The following EHD2 variants were observed in gnomAD, a reference collection of about 807,000 sequenced individuals.
EHD2 encodes EH domain-containing protein 2.
In EHD2, 27 loss-of-function variants were observed where a neutral mutation model predicts 41.0. The observed-to-expected ratio is 0.66, with a 90% CI of 0.49 to 0.91. EHD2 has a LOEUF of 0.91. Among genes scored for constraint, EHD2 ranks in the 40% least tolerant of loss-of-function variants. EHD2 has a pLI of 0.00. For synonymous variants in EHD2, 342 were observed against 341.0 expected, an observed-to-expected ratio of 1.00 and a Z score of -0.03; for missense variants, 673 against 773.9, an observed-to-expected ratio of 0.87 and a Z score of 1.55.
At chr19:47,738,126 C>T (rs941787410) in intron 5 of EHD2, among the ~76,000 whole-genome samples, 18 of 151,522 alleles carry the variant, frequency 1.2e-4, no homozygotes, top group African/African-American at 4.1e-4. Flanking sequence ...AAGTGATCCT[C>T]CTGCCTTGGC....
rs572361868 is a variant in EHD2, at chr19:47,728,101, A to T, written c.915+1877A>T. ...ACAGAACGAGACTCTGTCTCAAAAT[A>T]AAAAAAAAAAAAAAGATGAATTTAT... On this transcript the variant is annotated intron_variant, in intron 4 of 5. Coordinates refer to ENST00000263277, the MANE Select transcript of EHD2 (RefSeq NM_014601.4). Among the ~76,000 whole-genome samples the T allele has an allele frequency of 5.4e-5, 6 of 110,636 alleles. No homozygotes were observed. The South Asian group carries it at 7.7e-4, about 14-fold the overall frequency. 72.6% of individuals were successfully genotyped at this position (110,636 alleles called of 152,430 possible).
rs1366821314 is a variant in EHD2, at chr19:47,737,309, TTTTCA to T, written c.1080+780_1080+784del. 5.3e-5 allele frequency among the ~76,000 whole-genome samples: 8 copies of T among 152,028 alleles called. No homozygotes were observed. The East Asian group carries it at 1.4e-3, about 26-fold the overall frequency. ...CTCTTTAAGAACACTGTTTATTTTA[TTTTCA>T]TTTATTTATTTGAGACTTAAATATT... On this transcript the variant is annotated intron_variant, in intron 5 of 5. Transcript: ENST00000263277.
At chr19:47,733,871 C>A (rs1599900078) in intron 4 of EHD2, among the ~76,000 whole-genome samples, 1 of 152,012 alleles carries the variant, frequency 6.6e-6, no homozygotes, top group East Asian at 1.9e-4. Context: ...ACAGGAACCC[C>A]CGAAAGGATC....
At chr19:47,723,043 C>T (rs956284043) in intron 3 of EHD2, among the ~76,000 whole-genome samples, 1 of 152,218 alleles carries the variant, frequency 6.6e-6, no homozygotes, top group African/African-American at 2.4e-5. Context: ...CCTCCGGGTT[C>T]CCACTCTGCC....
At chr19:47,721,575 A>G (rs952439020) in intron 3 of EHD2, among the ~76,000 whole-genome samples, 3 of 151,648 alleles carry the variant, frequency 2.0e-5, no homozygotes, top group African/African-American at 7.3e-5. Context: ...CGGCCTCCCA[A>G]AGTGTTGGGA....
rs1599906282 is a variant in EHD2, at chr19:47,741,020, T to C, written c.1220T>C (p.Val407Ala). The C allele has an allele frequency of 3.1e-6, 5 of 1,610,140 alleles. No individual in the cohort carries two copies. In the East Asian group the frequency reaches 1.1e-4, roughly 36 times the overall value. The change falls in exon 6 of 6, where the codon GTG becomes GCG. Residue 407 changes from valine (V) to alanine (A), a missense_variant. Transcript: ENST00000263277. This position sits in a 1 kb window ranked among gnomAD's most constrained non-coding sequence, Gnocchi z 4.5. ...CAGGAGGAGCTGGAGAGCACCGAGGTGGGCGTGCAGGGGGGCGCTTTTGAG... is the reference window on the plus strand; with the variant it reads ...CAGGAGGAGCTGGAGAGCACCGAGGCGGGCGTGCAGGGGGGCGCTTTTGAG... Reference protein sequence around the residue: ...LRQEELESTEVGVQGGAFEGT... With the variant: ...LRQEELESTEAGVQGGAFEGT...
intron 4 of EHD2, chr19:47,731,279 A>AAAAAAAAAAATATAT: frequency 2.5e-4 from 15 of 60,918 alleles, no homozygotes; most frequent in African/African-American, 5.9e-4. Context: ...AAAAAAAAAA[A>AAAAAAAAAAATATAT]ATATATATAT....
chr19:47,728,728 C>G (rs955137940), intron 4 of EHD2, among the ~76,000 whole-genome samples: 1 of 151,450 alleles, frequency 6.6e-6, no homozygotes. Flanking sequence ...GCCACCACAC[C>G]CAGCTAATTT....
chr19:47,715,361 G>A (rs1421049986), intron 1 of EHD2, among the ~76,000 whole-genome samples: 1 of 151,944 alleles, frequency 6.6e-6, no homozygotes, highest in Non-Finnish European at 1.5e-5. Flanking sequence ...ACCTTTGCAC[G>A]CACCGTCCTC....
Position 47,717,042 on chromosome 19 carries a change from C to T in EHD2, c.404+26C>T, listed in dbSNP as rs201286547. 5 of 1,598,270 alleles carry T rather than the reference C, an allele frequency of 3.1e-6. No individual in the cohort carries two copies. The East Asian group carries it at 1.1e-4, about 36-fold the overall frequency. On this transcript the variant is annotated intron_variant, in intron 2 of 5. Transcript: ENST00000263277. ...GTGTGCCAGCCGCGAGCCCAGGGCG[C>T]ATCTTTCTTTTTCTTTTTGTTAAGA...
Position 47,718,568 on chromosome 19 carries a change from C to A in EHD2, c.464C>A (p.Pro155Gln), listed in dbSNP as rs374864163. ...VLESISIIDT[P>Q]GILSGAKQRV... ...GAGAGCATCAGCATCATCGACACCC[C>A]GGGTATCCTGTCGGGTGCCAAGCAG... is the stretch of plus-strand genomic sequence containing the variant. Residue 155 changes from proline (P) to glutamine (Q), a missense_variant, in exon 3 of 6, where the codon CCG (proline) becomes CAG (glutamine). Coordinates refer to ENST00000263277, the MANE Select transcript of EHD2 (RefSeq NM_014601.4). The A allele has an allele frequency of 6.3e-7, 1 of 1,583,784 alleles. No homozygotes were observed. The highest frequency in any genetic ancestry group is 2.3e-5 in the East Asian group (1 of 43,682).
chr19:47,713,933 G>A (rs754349075), intron 1 of EHD2, among the ~76,000 whole-genome samples: 2 of 151,730 alleles, frequency 1.3e-5, no homozygotes, highest in African/African-American at 2.4e-5. Flanking sequence ...ATCGGCCACC[G>A]CTGATAGCAT....
intron 4 of EHD2, among the ~76,000 whole-genome samples, chr19:47,735,796 C>T (rs1165932460): frequency 6.6e-6 from 1 of 151,622 alleles, no homozygotes; most frequent in Non-Finnish European, 1.5e-5. Flanking sequence ...ATCCCAACTA[C>T]TTGGGAGGCT....
At chr19:47,717,959 G>A (rs1335836601) in intron 2 of EHD2, among the ~76,000 whole-genome samples, 1 of 149,850 alleles carries the variant, frequency 6.7e-6, no homozygotes, top group Admixed American at 6.7e-5. Flanking sequence ...TCTATGCCAT[G>A]GTTGCTGTGA....
Position 47,741,826 on chromosome 19 carries a change from C to G in EHD2, c.*394C>G. ...TCTGCCCTCATGGAAGGTGACGTTC[C>G]CAGGAGAGGGCACCTACACAGTCAC... On this transcript the variant is annotated 3_prime_UTR_variant, in exon 6 of 6. Coordinates refer to ENST00000263277, the MANE Select transcript of EHD2 (RefSeq NM_014601.4). The surrounding 1 kb of genome is among the most constrained non-coding windows in gnomAD (Gnocchi z 4.5). 2.1e-6 allele frequency: 1 copy of G among 473,980 alleles called. No individual in the cohort carries two copies. The highest frequency in any genetic ancestry group is 1.5e-5 in the South Asian group (1 of 64,688). 29.4% of individuals were successfully genotyped at this position (473,980 alleles called of 1,614,324 possible).
At chr19:47,737,635 T>G (rs1966938975) in intron 5 of EHD2, among the ~76,000 whole-genome samples, 1 of 151,966 alleles carries the variant, frequency 6.6e-6, no homozygotes, top group African/African-American at 2.4e-5. Context: ...CCAGCCTGTG[T>G]GACCGAGTAA....
At chr19:47,732,447 C>T (rs1966882975) in intron 4 of EHD2, among the ~76,000 whole-genome samples, 1 of 151,610 alleles carries the variant, frequency 6.6e-6, no homozygotes, top group Non-Finnish European at 1.5e-5. Context: ...GAGACAAAGG[C>T]TCGCTGTGTC....
At position 47,737,279 on chromosome 19, in the gene EHD2, G is replaced by A. The variant is rs78954895; in HGVS notation, c.1080+746G>A. 3.9e-3 allele frequency among the ~76,000 whole-genome samples: 596 copies of A among 151,034 alleles called. 14 individuals carry two copies. The East Asian group carries it at 0.07, about 18-fold the overall frequency. ...GGAAGTTGGGAAGGGGAAGAAAAGA[G>A]TAGTCTCTTTAAGAACACTGTTTAT... On this transcript the variant is annotated intron_variant, in intron 5 of 5. Coordinates refer to ENST00000263277, the MANE Select transcript of EHD2 (RefSeq NM_014601.4).
chr19:47,714,128 C>T (rs1246594958), intron 1 of EHD2, among the ~76,000 whole-genome samples: 2 of 152,154 alleles, frequency 1.3e-5, no homozygotes, highest in Admixed American at 6.6e-5. Flanking sequence ...TGGATTTTAG[C>T]ATATTTGATT....
Sources: allele counts gnomAD v4.1 joint callset (sites outside exome capture counted in the v4.1 genomes callset), GRCh38; gene constraint gnomAD v4.1.1; non-coding constraint Gnocchi (gnomAD v3.1); transcripts MANE v1.5; gene names NCBI Gene and HGNC (gene_info 2026-07-23, HGNC 2026-07-21).